Variants in CD99L2 observed in about 807,000 individuals in gnomAD.
CD99L2 encodes the protein CD99 molecule like 2.
In CD99L2, 24 loss-of-function variants were observed where a neutral mutation model predicts 27.3. The ratio of observed to expected loss-of-function variants is 0.88; its 90% CI spans 0.64 to 1.24. The LOEUF (loss-of-function observed/expected upper bound fraction) is 1.24, where lower values mean the gene tolerates loss of function less well. Ranked by LOEUF, CD99L2 falls within the 50% of genes most tolerant of loss-of-function variation. The probability of loss-of-function intolerance (pLI) is 0.00; values close to 1 mark genes in which losing one functional copy is unlikely to be tolerated. For missense variants in CD99L2, 255 were observed against 221.6 expected (o/e 1.15, Z -0.96); for synonymous variants, 97 against 87.9 (o/e 1.10, Z -0.58).
chrX:150,804,096 C>T (rs1379802543), intron 4 of CD99L2, among the ~76,000 whole-genome samples: 3 of 112,191 alleles, frequency 2.7e-5, no homozygotes, highest in African/African-American at 9.7e-5. Context: ...TATCCAACAG[C>T]AGCAGAATTC....
intron 4 of CD99L2, among the ~76,000 whole-genome samples, chrX:150,800,500 T>C (rs2045887536): frequency 8.9e-6 from 1 of 111,748 alleles, no homozygotes; most frequent in Non-Finnish European, 1.9e-5. Flanking sequence ...TTGTATTAGG[T>C]ATTATAAGTA....
chrX:150,871,608 C>T (rs2124346002), intron 1 of CD99L2, among the ~76,000 whole-genome samples: 1 of 111,863 alleles, frequency 8.9e-6, no homozygotes, highest in South Asian at 3.7e-4. Context: ...ATCTTCACAC[C>T]CCATGAGTCA....
chrX:150,834,497 A>G (rs1240127675), intron 1 of CD99L2, among the ~76,000 whole-genome samples: 1 of 111,971 alleles, frequency 8.9e-6, no homozygotes, highest in African/African-American at 3.2e-5. Flanking sequence ...TCTCCAAACA[A>G]AACAAAACAA....
At chrX:150,810,237 G>T (rs1277495359) in intron 4 of CD99L2, among the ~76,000 whole-genome samples, 4 of 111,762 alleles carry the variant, frequency 3.6e-5, no homozygotes, top group African/African-American at 1.3e-4. Flanking sequence ...AGATTTAAAA[G>T]AATTAAAAGC....
intron 1 of CD99L2, among the ~76,000 whole-genome samples, chrX:150,896,237 A>T (rs1229517246): frequency 1.8e-5 from 2 of 109,548 alleles, no homozygotes; most frequent in East Asian, 5.8e-4. Flanking sequence ...ATCTCTACTA[A>T]AAATACAAAA....
rs973040342 is a variant in CD99L2 at position 150,793,631 on chromosome X, C to A, written c.496+60G>T. ...CCCAGAGGCTCAATTAATCTGGTTG[C>A]TGCATAATCACCTTTTTCACCAGAA... On this transcript the variant is annotated intron_variant, in intron 7 of 10. Coordinates refer to ENST00000370377, the MANE Select transcript of CD99L2 (RefSeq NM_031462.4). The A allele has an allele frequency of 7.5e-5, 73 of 976,181 alleles. No individual in the cohort carries two copies. The Admixed American group carries it at 2.3e-3, about 31-fold the overall frequency. 80.4% of individuals were successfully genotyped at this position (976,181 alleles called of 1,213,427 possible). A position where few individuals can be genotyped will look rare whatever the true frequency, so the allele number is the denominator to read the frequency against.
chrX:150,793,608 C>T, intron 7 of CD99L2, 83 bp downstream of exon 7: 1 of 846,554 alleles, frequency 1.2e-6, no homozygotes, highest in Non-Finnish European at 1.6e-6. Flanking sequence ...ACTCATTTCC[C>T]AGAGGCTCAA....
At chrX:150,777,541 G>A (rs2045419322) in intron 7 of CD99L2, 59 bp from the exon 8 acceptor site, 2 of 1,142,842 alleles carry the variant, frequency 1.8e-6, no homozygotes, top group African/African-American at 1.8e-5. Flanking sequence ...CTCGAGCTCG[G>A]GCCTCCGCGA....
intron 7 of CD99L2, among the ~76,000 whole-genome samples, chrX:150,788,306 T>C (rs1323583540): frequency 1.8e-5 from 2 of 111,837 alleles, no homozygotes; most frequent in African/African-American, 6.5e-5. Context: ...CCTATGCTCA[T>C]TTTTTAATTG....
chrX:150,793,819 G>T, intron 6 of CD99L2, 63 bp from the exon 7 acceptor site: 1 of 930,180 alleles, frequency 1.1e-6, no homozygotes, highest in Non-Finnish European at 1.5e-6. Flanking sequence ...AGAAACTTGT[G>T]CTAATGTTGC....
In CD99L2 at chrX:150,767,866, A is replaced by G. The variant is rs1317469361; in HGVS notation, c.*1168T>C. On this transcript the variant is annotated 3_prime_UTR_variant, in exon 11 of 11. Coordinates refer to ENST00000370377, the MANE Select transcript of CD99L2 (RefSeq NM_031462.4). ...CAACAGAGCTCACCGGGACAGAACC[A>G]TATGTGGGCCAAAGGAACATTCCAG... 1 of 111,487 alleles carries G rather than the reference A, an allele frequency of 9.0e-6. No homozygotes were observed. Among genetic ancestry groups the G allele is most frequent in the Non-Finnish European group, 1.9e-5 (1 of 52,991 alleles). 9.2% of individuals were successfully genotyped at this position (111,487 alleles called of 1,213,427 possible).
intron 1 of CD99L2, among the ~76,000 whole-genome samples, chrX:150,876,227 C>T (rs782790197): frequency 1.9e-4 from 21 of 112,251 alleles, no homozygotes; most frequent in Non-Finnish European, 3.9e-4. Flanking sequence ...TTAGATCACA[C>T]ACTTTTGCCC....
chrX:150,841,015 G>A (rs1472123245), intron 1 of CD99L2, among the ~76,000 whole-genome samples: 1 of 111,788 alleles, frequency 8.9e-6, no homozygotes, highest in Non-Finnish European at 1.9e-5. Flanking sequence ...ATTAAAATAT[G>A]CAAATACTTC....
intron 7 of CD99L2, among the ~76,000 whole-genome samples, chrX:150,783,882 C>T (rs1308272040): frequency 8.9e-6 from 1 of 111,752 alleles, no homozygotes; most frequent in Non-Finnish European, 1.9e-5. Context: ...ATGGAGGGTT[C>T]GCACTTGGAG....
chrX:150,874,660 T>C (rs1217579405), intron 1 of CD99L2, among the ~76,000 whole-genome samples: 1 of 111,853 alleles, frequency 8.9e-6, no homozygotes, highest in East Asian at 2.8e-4. Context: ...GCCTCATTCT[T>C]CTGACTCCTC....
chrX:150,769,228 C>CCTGGGAGCCCCTCCTG, intron 10 of CD99L2, 127 bp from the exon 11 acceptor site: 1 of 770,684 alleles, frequency 1.3e-6, no homozygotes, highest in Non-Finnish European at 1.8e-6. Context: ...GGCCGCTTAG[C>CCTGGGAGCCCCTCCTG]AACCTTCCCT....
At chrX:150,782,009 A>G (rs2045520468) in intron 7 of CD99L2, among the ~76,000 whole-genome samples, 1 of 112,133 alleles carries the variant, frequency 8.9e-6, no homozygotes, top group East Asian at 2.8e-4. Context: ...CTTCTCTGAC[A>G]GCAGCACAAC....
chrX:150,776,575 C>T (rs1328534928), intron 8 of CD99L2, among the ~76,000 whole-genome samples: 1 of 111,920 alleles, frequency 8.9e-6, no homozygotes, highest in Non-Finnish European at 1.9e-5. Context: ...TGACGCCCTG[C>T]AGGCTTCCCA....
At chrX:150,876,671 T>G (rs1479765692) in intron 1 of CD99L2, among the ~76,000 whole-genome samples, 2 of 112,375 alleles carry the variant, frequency 1.8e-5, no homozygotes, top group Non-Finnish European at 3.8e-5. Flanking sequence ...TATATTCAAC[T>G]AGATGAAATG....
Sources: allele counts gnomAD v4.1 joint callset (sites outside exome capture counted in the v4.1 genomes callset), GRCh38; gene constraint gnomAD v4.1.1; transcripts MANE v1.5; gene names NCBI Gene and HGNC (gene_info 2026-07-23, HGNC 2026-07-21).